The following TXNRD3 variants were observed in gnomAD, a reference collection of about 807,000 sequenced individuals.
The protein encoded by TXNRD3 is thioredoxin reductase 3.
In TXNRD3, 68 loss-of-function variants were observed where a neutral mutation model predicts 78.2. That is an observed-to-expected ratio of 0.87 (90% confidence interval 0.72 to 1.06). The LOEUF (loss-of-function observed/expected upper bound fraction) is 1.06, where lower values mean the gene tolerates loss of function less well. Ranked by LOEUF, TXNRD3 falls within the 50% of genes least tolerant of loss-of-function variation. The probability of loss-of-function intolerance (pLI) is 0.00; values close to 1 mark genes in which losing one functional copy is unlikely to be tolerated. For synonymous variants in TXNRD3, 296 were observed against 300.1 expected (o/e 0.99, Z 0.14); for missense variants, 751 against 809.5 (o/e 0.93, Z 0.88).
chr3:126,623,085 G>T (rs922671247), intron 10 of TXNRD3, among the ~76,000 whole-genome samples: 1 of 152,102 alleles, frequency 6.6e-6, no homozygotes, highest in Non-Finnish European at 1.5e-5. Context: ...CTGGTCTGTG[G>T]TACTCTTCCA....
At chr3:126,614,289 TG>T (rs1292871538) in intron 13 of TXNRD3, among the ~76,000 whole-genome samples, 8 of 152,176 alleles carry the variant, frequency 5.3e-5, no homozygotes, top group Non-Finnish European at 1.0e-4. Context: ...CAGCAAACCT[TG>T]GTGGAAAGAC....
intron 13 of TXNRD3, among the ~76,000 whole-genome samples, chr3:126,613,602 A>G (rs1938243829): frequency 6.6e-6 from 1 of 152,238 alleles, no homozygotes; most frequent in African/African-American, 2.4e-5. Context: ...TATGATGGAT[A>G]GCATATGTGA....
In TXNRD3 at chr3:126,629,933, A is replaced by T. The variant is rs183941810; in HGVS notation, c.1198-462T>A. On this transcript the variant is annotated intron_variant, in intron 9 of 15. Transcript: ENST00000524230. ...AATTCAGGAGAGACTCTTAAATAGG[A>T]GATATAAATCTGAGAATCATTAGCA... Among the ~76,000 whole-genome samples, 14 of 152,342 alleles carry T rather than the reference A, an allele frequency of 9.2e-5. No homozygotes were observed. In the East Asian group the frequency reaches 2.7e-3, roughly 29 times the overall value.
At chr3:126,621,954 GCTGA>G (rs1703049404) in intron 11 of TXNRD3, 56 bp from the exon 12 acceptor site, 1 of 1,362,168 alleles carries the variant, frequency 7.3e-7, no homozygotes, top group Non-Finnish European at 9.5e-7. Flanking sequence ...TACACTGCTG[GCTGA>G]CTAATACTAT....
chr3:126,644,054 C>A lies in TXNRD3; in HGVS notation c.520-1G>T, dbSNP rs2107626438. ...CTTTCTTTCCCAAAATGGCAGCTTC[C>A]TACAAACGAACAACAACAAAAATTA... On this transcript the variant is annotated splice_acceptor_variant, in intron 4 of 15. Transcript: ENST00000524230. LOFTEE classifies it high-confidence loss of function. 1 of 1,535,936 alleles carries A rather than the reference C, an allele frequency of 6.5e-7. No individual in the cohort carries two copies. Among genetic ancestry groups the A allele is most frequent in the African/African-American group, 1.4e-5 (1 of 73,148 alleles).
chr3:126,636,131 T>G (rs1174381502), intron 6 of TXNRD3, among the ~76,000 whole-genome samples: 1 of 152,038 alleles, frequency 6.6e-6, no homozygotes, highest in Non-Finnish European at 1.5e-5. Context: ...AAGGAAGGGG[T>G]CTCGCTATGT....
intron 3 of TXNRD3, among the ~76,000 whole-genome samples, chr3:126,645,570 C>T (rs1933205980): frequency 2.0e-5 from 3 of 152,072 alleles, no homozygotes; most frequent in Admixed American, 1.3e-4. Context: ...ATATTGTATA[C>T]ATATATAAAG....
At chr3:126,612,832 T>C (rs1370421375) in intron 13 of TXNRD3, among the ~76,000 whole-genome samples, 3 of 152,218 alleles carry the variant, frequency 2.0e-5, no homozygotes, top group African/African-American at 7.2e-5. Context: ...TTTTCCTTAA[T>C]AGCTACCCAC....
intron 9 of TXNRD3, 35 bp from the exon 10 acceptor site, chr3:126,629,506 A>C: frequency 3.4e-6 from 5 of 1,469,590 alleles, no homozygotes; most frequent in Non-Finnish European, 4.6e-6. Flanking sequence ...ATGTTATCTA[A>C]ATATGATAAA....
intron 14 of TXNRD3, among the ~76,000 whole-genome samples, chr3:126,610,289 T>A (rs1474776284): frequency 6.6e-6 from 1 of 152,228 alleles, no homozygotes; most frequent in Admixed American, 6.5e-5. Flanking sequence ...GCAGTTCATA[T>A]TTATCTATTT....
chr3:126,638,476 G>A (rs1341045134), intron 6 of TXNRD3, among the ~76,000 whole-genome samples: 1 of 152,198 alleles, frequency 6.6e-6, no homozygotes. Flanking sequence ...GCTCATGTCT[G>A]CAATCCCAGC....
chr3:126,649,951 C>T (rs538278748), intron 1 of TXNRD3, among the ~76,000 whole-genome samples: 11 of 151,762 alleles, frequency 7.2e-5, no homozygotes, highest in Non-Finnish European at 1.2e-4. Flanking sequence ...TGTACATGTA[C>T]GTAGTGCCAC....
intron 14 of TXNRD3, 72 bp downstream of exon 14, chr3:126,610,965 G>C: frequency 1.0e-6 from 1 of 987,062 alleles, no homozygotes; most frequent in African/African-American, 1.7e-5. Context: ...AAAAATTATA[G>C]AAATCCAAAT....
In TXNRD3 at chr3:126,655,074, G is replaced by C; in HGVS notation, c.-84C>G. ...TGCGGCGCCGGGACGGGGCCTGAGG[G>C]GCGGCGAACGCTGCCCTCGCTGGCC... On this transcript the variant is annotated 5_prime_UTR_variant, in exon 1 of 16. Coordinates refer to ENST00000524230, the MANE Select transcript of TXNRD3 (RefSeq NM_052883.3). The C allele has an allele frequency of 2.3e-6, 3 of 1,296,706 alleles. No individual in the cohort carries two copies. The highest frequency in any genetic ancestry group is 2.9e-6 in the Non-Finnish European group (3 of 1,023,102). The allele number at this position is 1,296,706 out of a possible 1,614,324, so 80.3% of individuals were successfully genotyped here.
At chr3:126,619,236 T>C (rs2107612823) in intron 12 of TXNRD3, among the ~76,000 whole-genome samples, 1 of 152,190 alleles carries the variant, frequency 6.6e-6, no homozygotes, top group East Asian at 1.9e-4. Context: ...AAAGAATCAG[T>C]GTATCAAAAA....
chr3:126,623,851 CCAAA>C (rs1271262906), intron 10 of TXNRD3, among the ~76,000 whole-genome samples: 3 of 89,760 alleles, frequency 3.3e-5, no homozygotes, highest in Non-Finnish European at 6.8e-5. Context: ...TGAAACAAGG[CCAAA>C]AAAAAAAAAA....
intron 1 of TXNRD3, among the ~76,000 whole-genome samples, chr3:126,648,930 G>A (rs376671873): frequency 6.6e-6 from 1 of 152,184 alleles, no homozygotes; most frequent in Admixed American, 6.5e-5. Context: ...ATGGAGTCCA[G>A]GAGTTTGGGG....
At chr3:126,609,274 G>A (rs1458580967) in intron 14 of TXNRD3, 1 of 265,048 alleles carries the variant, frequency 3.8e-6, no homozygotes, top group African/African-American at 2.2e-5. Flanking sequence ...TAGATGAAGA[G>A]AAAGACTATA....
intron 6 of TXNRD3, among the ~76,000 whole-genome samples, chr3:126,634,950 C>T (rs1485641729): frequency 6.6e-6 from 1 of 152,142 alleles, no homozygotes; most frequent in Admixed American, 6.5e-5. Context: ...AGAAGCTTAG[C>T]CAATGTCAAC....
Sources: gnomAD v4.1 joint callset for allele counts (sites outside exome capture counted in the v4.1 genomes callset) on GRCh38, gnomAD v4.1.1 for gene constraint, MANE v1.5 for transcripts, NCBI Gene and HGNC (gene_info 2026-07-23, HGNC 2026-07-21) for gene names.